GEN1: variants seen among roughly 807,000 people sequenced by gnomAD.
GEN1 encodes the protein flap endonuclease GEN homolog 1.
Under a neutral mutation model 67.6 loss-of-function variants are expected in GEN1, and 64 were observed. The observed-to-expected ratio is 0.95, with a 90% CI of 0.77 to 1.17. The LOEUF is 1.17. GEN1 is among the 50% of genes most tolerant of loss of function. The probability of loss-of-function intolerance (pLI) is 0.00; values close to 1 mark genes in which losing one functional copy is unlikely to be tolerated. For missense variants in GEN1, 1,058 were observed against 1,048.3 expected (o/e 1.01, Z -0.13); for synonymous variants, 371 against 359.4 (o/e 1.03, Z -0.37).
chr2:17,769,893 C>A (rs189474060), intron 6 of GEN1, among the ~76,000 whole-genome samples: 1 of 151,940 alleles, frequency 6.6e-6, no homozygotes, highest in Non-Finnish European at 1.5e-5. Flanking sequence ...CCAGCAGGTT[C>A]GAGATGGCAA....
At chr2:17,779,790 C>G (rs1225121206) in intron 12 of GEN1, among the ~76,000 whole-genome samples, 188 bp from the exon 13 acceptor site, 1 of 152,024 alleles carries the variant, frequency 6.6e-6, no homozygotes, top group Non-Finnish European at 1.5e-5. Context: ...TTTATAGAGA[C>G]ATGGTTTCAC....
chr2:17,777,955 C>T, intron 11 of GEN1, 47 bp from the exon 12 acceptor site: 4 of 1,099,464 alleles, frequency 3.6e-6, no homozygotes, highest in Admixed American at 1.8e-5. Flanking sequence ...GGAAAATTTC[C>T]AAATATCTTA....
At chr2:17,778,795 G>C (rs1220577544) in intron 12 of GEN1, among the ~76,000 whole-genome samples, 3 of 150,196 alleles carry the variant, frequency 2.0e-5, no homozygotes, top group African/African-American at 7.4e-5. Context: ...TTTTAACCCT[G>C]CTTAGTTTTC....
chr2:17,784,516 T>C lies in GEN1; in HGVS notation c.*2577T>C, dbSNP rs1672987228. The C allele has an allele frequency of 6.6e-6, 1 of 152,162 alleles. No homozygotes were observed. Among genetic ancestry groups the C allele is most frequent in the Admixed American group, 6.5e-5 (1 of 15,272 alleles). The allele number at this position is 152,162 out of a possible 1,614,324, so 9.4% of individuals were successfully genotyped here. On this transcript the variant is annotated 3_prime_UTR_variant, in exon 14 of 14. Transcript: ENST00000381254. The stretch of plus-strand genomic sequence containing the variant: ...CCACATAAAAACCTGTGCACAAATG[T>C]CCATAGCAGCGTTATTCATAATAGC...
At position 17,780,899 on chromosome 2, in the gene GEN1, C is replaced by A. The variant is rs1347192383; in HGVS notation, c.1687C>A (p.Leu563Ile). 1 of 1,613,914 alleles carries A rather than the reference C, an allele frequency of 6.2e-7. No individual in the cohort carries two copies. Among genetic ancestry groups the A allele is most frequent in the African/African-American group, 1.3e-5 (1 of 75,046 alleles). ...IQQIKAVSKS[L>I]ISESSQPNTS... ...GCAAATTAAAGCTGTCAGTAAGTCTCTAATTTCAGAATCTAGTCAACCCAA... is the reference window on the plus strand; with the variant it reads ...GCAAATTAAAGCTGTCAGTAAGTCTATAATTTCAGAATCTAGTCAACCCAA... Residue 563 changes from leucine to isoleucine, a missense_variant, in exon 14 of 14, where the codon CTA (leucine) becomes ATA (isoleucine). Transcript: ENST00000381254.
rs777154221 is a variant in GEN1, at chr2:17,784,015, CTG to C, written c.*2078_*2079del. ...AACTGGACTTCATCAAAACTAAAAA[CTG>C]TTGTTTGAAATGACACCATCAAGAA... On this transcript the variant is annotated 3_prime_UTR_variant, in exon 14 of 14. Coordinates refer to ENST00000381254, the MANE Select transcript of GEN1 (RefSeq NM_001130009.3). The C allele has an allele frequency of 2.6e-5, 4 of 152,102 alleles. No individual in the cohort carries two copies. Among genetic ancestry groups the C allele is most frequent in the South Asian group, 2.1e-4 (1 of 4,830 alleles). The allele number at this position is 152,102 out of a possible 1,614,324, so 9.4% of individuals were successfully genotyped here.
intron 4 of GEN1, among the ~76,000 whole-genome samples, chr2:17,765,747 CAT>C (rs1302392434): frequency 6.6e-6 from 1 of 152,088 alleles, no homozygotes; most frequent in Non-Finnish European, 1.5e-5. Flanking sequence ...CTATTATTGA[CAT>C]AAAAGATATC....
At chr2:17,773,940 T>G (rs1672310594) in intron 10 of GEN1, among the ~76,000 whole-genome samples, 1 of 152,146 alleles carries the variant, frequency 6.6e-6, no homozygotes, top group South Asian at 2.1e-4. Flanking sequence ...GCTGTTATGT[T>G]TAATGCATTG....
intron 4 of GEN1, among the ~76,000 whole-genome samples, chr2:17,765,296 T>A (rs756088810): frequency 5.3e-5 from 8 of 152,224 alleles, no homozygotes; most frequent in Non-Finnish European, 1.2e-4. Flanking sequence ...TCACATGGTT[T>A]GATTCTAAAT....
intron 3 of GEN1, among the ~76,000 whole-genome samples, chr2:17,764,393 T>C (rs1572395912): frequency 6.6e-6 from 1 of 152,240 alleles, no homozygotes; most frequent in Non-Finnish European, 1.5e-5. Context: ...TTAATTATTA[T>C]TTAAAGATAT....
At chr2:17,768,900 A>G (rs1672054693) in intron 6 of GEN1, 89 bp downstream of exon 6, 1 of 702,692 alleles carries the variant, frequency 1.4e-6, no homozygotes, top group Non-Finnish European at 2.3e-6. Context: ...TTGTTTTCCA[A>G]AAAAGGGTTT....
rs779725254 is a variant in GEN1 at position 17,773,269 on chromosome 2, G to A, written c.1041G>A (p.Arg347=). ...AGGATAAATTGGTGAAGGTTATCAGGTACCAAAGACCTGATTTGTTATTGT... is the reference window on the plus strand; with the variant it reads ...AGGATAAATTGGTGAAGGTTATCAGATACCAAAGACCTGATTTGTTATTGT... The part of the protein sequence containing the change: ...LNKDKLVKVI[R]YQRPDLLLFQ... The change falls in exon 10 of 14, where the codon AGG becomes AGA. Residue 347 remains arginine, a synonymous_variant. Coordinates refer to ENST00000381254, the MANE Select transcript of GEN1 (RefSeq NM_001130009.3). 1.3e-6 allele frequency: 2 copies of A among 1,599,786 alleles called. No individual in the cohort carries two copies. Among genetic ancestry groups the A allele is most frequent in the Non-Finnish European group, 1.7e-6 (2 of 1,170,810 alleles).
At chr2:17,761,307 A>G in intron 2 of GEN1, 89 bp from the exon 3 acceptor site, 2 of 669,004 alleles carry the variant, frequency 3.0e-6, no homozygotes, top group South Asian at 4.1e-5. Context: ...TTTTGATACT[A>G]GTCTAATGTT....
intron 7 of GEN1, among the ~76,000 whole-genome samples, chr2:17,772,336 T>G (rs928736223): frequency 6.6e-6 from 1 of 152,064 alleles, no homozygotes; most frequent in African/African-American, 2.4e-5. Context: ...CAGAAAGTTT[T>G]CTGTTGTTGA....
Position 17,780,019 on chromosome 2 carries a change from T to C in GEN1, c.1306T>C (p.Leu436=). The change falls in exon 13 of 14, where the codon TTA becomes CTA. Residue 436 remains leucine, a synonymous_variant. Transcript: ENST00000381254. ...AGATAAACAACATGGAGAATTTGCT[T>C]TATTAACAATTGAGGAAGAATCATT... ...MEDKQHGEFA[L]LTIEEESLFE... 1 of 1,602,308 alleles carries C rather than the reference T, an allele frequency of 6.2e-7. No individual in the cohort carries two copies. Among genetic ancestry groups the C allele is most frequent in the Middle Eastern group, 1.7e-4 (1 of 6,050 alleles).
chr2:17,753,330 C>T (rs1202104626), upstream of GEN1, among the ~76,000 whole-genome samples: 1 of 151,664 alleles, frequency 6.6e-6, no homozygotes, highest in Non-Finnish European at 1.5e-5. Context: ...AGTCTGGGGA[C>T]GGCCGCCTGG....
chr2:17,771,346 A>C, intron 7 of GEN1, 59 bp downstream of exon 7: 1 of 1,004,170 alleles, frequency 1.0e-6, no homozygotes, highest in Non-Finnish European at 1.6e-6. Context: ...ATTCTTGTTC[A>C]CATAGTACTT....
intron 10 of GEN1, 97 bp from the exon 11 acceptor site, chr2:17,774,174 A>T: frequency 1.8e-6 from 1 of 548,258 alleles, no homozygotes; most frequent in South Asian, 4.7e-5. Context: ...ACTTTAACTT[A>T]CGTTAATTCT....
intron 3 of GEN1, among the ~76,000 whole-genome samples, chr2:17,762,728 A>C (rs1053754346): frequency 6.6e-6 from 1 of 152,188 alleles, no homozygotes; most frequent in Non-Finnish European, 1.5e-5. Flanking sequence ...TCTACTATAC[A>C]TGGAAGTGTG....
Sources: gnomAD v4.1 joint callset for allele counts (sites outside exome capture counted in the v4.1 genomes callset) on GRCh38, gnomAD v4.1.1 for gene constraint, MANE v1.5 for transcripts, NCBI Gene and HGNC (gene_info 2026-07-23, HGNC 2026-07-21) for gene names.